TMEM132C: variants seen among roughly 807,000 people sequenced by gnomAD.
The protein encoded by TMEM132C is protein phosphatase 1, regulatory subunit 152.
Under a neutral mutation model 61.4 loss-of-function variants are expected in TMEM132C, and 29 were observed. The observed-to-expected ratio is 0.47, with a 90% CI of 0.35 to 0.64. The LOEUF (loss-of-function observed/expected upper bound fraction) is 0.64. Among genes scored for constraint, TMEM132C ranks in the 30% least tolerant of loss-of-function variants. The pLI is 0.00. For synonymous variants in TMEM132C, 656 were observed against 633.1 expected (o/e 1.04, Z -0.54); for missense variants, 1,408 against 1,476.9 (o/e 0.95, Z 0.76).
chr12:128,340,340 T>G (rs1872916269), intron 1 of TMEM132C, among the ~76,000 whole-genome samples: 1 of 152,194 alleles, frequency 6.6e-6, no homozygotes, highest in Non-Finnish European at 1.5e-5. Context: ...CTATCGGTGC[T>G]TCTTTCTTCT....
rs1354613437 is a variant in TMEM132C, at chr12:128,579,850, T to G, written c.1121+35747T>G. 2.6e-5 allele frequency among the ~76,000 whole-genome samples: 4 copies of G among 152,202 alleles called. No individual in the cohort carries two copies. The South Asian group carries it at 6.2e-4, about 24-fold the overall frequency. On this transcript the variant is annotated intron_variant, in intron 3 of 8. Coordinates refer to ENST00000435159, the MANE Select transcript of TMEM132C (RefSeq NM_001136103.3). ...AAATGTCTTGATCCACTTTGCTGTA[T>G]GAATCCAGAGAGAGATAAGAGTGGG...
At position 128,557,475 on chromosome 12, in the gene TMEM132C, G is replaced by T. The variant is rs114037035; in HGVS notation, c.1121+13372G>T. Among the ~76,000 whole-genome samples, 234 of 152,326 alleles carry T rather than the reference G, an allele frequency of 1.5e-3. 1 individual carries two copies. Among genetic ancestry groups the T allele is most frequent in the African/African-American group, 5.5e-3 (229 of 41,574 alleles). ...TACTCTGGCCTCTGACATAAAGCAGGTGCATTTCAGAACTAATGTCTCGCC... is the reference window on the plus strand; with the variant it reads ...TACTCTGGCCTCTGACATAAAGCAGTTGCATTTCAGAACTAATGTCTCGCC... On this transcript the variant is annotated intron_variant, in intron 3 of 8. Coordinates refer to ENST00000435159, the MANE Select transcript of TMEM132C (RefSeq NM_001136103.3).
At chr12:128,663,328 A>G (rs1372848135) in intron 4 of TMEM132C, among the ~76,000 whole-genome samples, 1 of 152,236 alleles carries the variant, frequency 6.6e-6, no homozygotes, top group Non-Finnish European at 1.5e-5. Flanking sequence ...TCGTATGAGT[A>G]GGACCATGTA....
chr12:128,544,130 G>A, intron 3 of TMEM132C, 27 bp downstream of exon 3: 3 of 1,485,700 alleles, frequency 2.0e-6, no homozygotes, highest in South Asian at 1.3e-5. Flanking sequence ...CTGCAAGCGT[G>A]TGTGGTTCCT....
intron 1 of TMEM132C, among the ~76,000 whole-genome samples, chr12:128,409,646 G>A (rs1868462961): frequency 6.6e-6 from 1 of 152,132 alleles, no homozygotes. Context: ...TGCAGGCTGG[G>A]TGGAGCCCCA....
intron 3 of TMEM132C, among the ~76,000 whole-genome samples, chr12:128,546,377 T>G (rs1472877177): frequency 2.0e-5 from 3 of 152,212 alleles, no homozygotes; most frequent in Non-Finnish European, 2.9e-5. Context: ...GGCAAAGTTA[T>G]GTATGTGAAT....
At chr12:128,607,094 T>G (rs1876452185) in intron 3 of TMEM132C, among the ~76,000 whole-genome samples, 1 of 151,840 alleles carries the variant, frequency 6.6e-6, no homozygotes, top group African/African-American at 2.4e-5. Flanking sequence ...GAGAGGGTGA[T>G]ATGGGAGGGT....
chr12:128,588,643 A>T (rs1157080094), intron 3 of TMEM132C, among the ~76,000 whole-genome samples: 1 of 152,078 alleles, frequency 6.6e-6, no homozygotes, highest in African/African-American at 2.4e-5. Context: ...ATGTGGTGGT[A>T]TTAGGGAGTG....
intron 1 of TMEM132C, among the ~76,000 whole-genome samples, chr12:128,305,772 C>T (rs1275833111): frequency 6.6e-6 from 1 of 152,122 alleles, no homozygotes; most frequent in African/African-American, 2.4e-5. Context: ...GAAAATGGAA[C>T]ACTAGCTTTA....
intron 5 of TMEM132C, among the ~76,000 whole-genome samples, chr12:128,686,683 G>A (rs377162874): frequency 1.1e-4 from 17 of 152,110 alleles, no homozygotes; most frequent in East Asian, 3.9e-4. Flanking sequence ...TCTTCAACAC[G>A]TACTTATTGA....
At chr12:128,507,816 A>G (rs75635659) in intron 2 of TMEM132C, among the ~76,000 whole-genome samples, 9,835 of 152,282 alleles carry the variant, frequency 0.065, 386 homozygotes, top group Middle Eastern at 0.11. Flanking sequence ...GTGAGTAATC[A>G]TATCATTTTG....
intron 2 of TMEM132C, among the ~76,000 whole-genome samples, chr12:128,434,911 C>A (rs1284500502): frequency 6.6e-6 from 1 of 152,048 alleles, no homozygotes; most frequent in East Asian, 1.9e-4. Context: ...TGTGAGCCAC[C>A]GCAGCCGGCC....
chr12:128,378,782 C>A (rs1874305848), intron 1 of TMEM132C, among the ~76,000 whole-genome samples: 1 of 152,124 alleles, frequency 6.6e-6, no homozygotes, highest in African/African-American at 2.4e-5. Flanking sequence ...CAAATCTCAT[C>A]TTGAATTATA....
At chr12:128,519,890 G>C (rs1340319804) in intron 2 of TMEM132C, among the ~76,000 whole-genome samples, 2 of 152,190 alleles carry the variant, frequency 1.3e-5, no homozygotes, top group African/African-American at 2.4e-5. Context: ...ACTTCTGCTA[G>C]GTCTCTGCCC....
At chr12:128,456,366 C>CGT (rs1870341524) in intron 2 of TMEM132C, among the ~76,000 whole-genome samples, 1 of 52,448 alleles carries the variant, frequency 1.9e-5, no homozygotes, top group Non-Finnish European at 4.0e-5. Context: ...TCTGATTAGC[C>CGT]TTTTTTTTTT....
At chr12:128,529,255 A>AG (rs1555230021) in intron 2 of TMEM132C, among the ~76,000 whole-genome samples, 3 of 151,712 alleles carry the variant, frequency 2.0e-5, no homozygotes, top group African/African-American at 7.3e-5. Flanking sequence ...AACACAGAGT[A>AG]CCCCCCATCA....
rs141989103 is a variant in TMEM132C, at chr12:128,475,473, T to G, written c.974+59853T>G. Reference sequence around the variant, plus strand: ...GGGGTGATAAAAAATGTTCTGGAATTAAATAATAGAGATGGTTGCACAAAT... The same window carrying G: ...GGGGTGATAAAAAATGTTCTGGAATGAAATAATAGAGATGGTTGCACAAAT... On this transcript the variant is annotated intron_variant, in intron 2 of 8. Transcript: ENST00000435159. 1.1e-3 allele frequency among the ~76,000 whole-genome samples: 168 copies of G among 152,202 alleles called. 1 individual carries two copies. The highest frequency in any genetic ancestry group is 3.7e-3 in the African/African-American group (154 of 41,526).
chr12:128,652,381 T>A (rs1954280426), intron 4 of TMEM132C, among the ~76,000 whole-genome samples: 1 of 152,196 alleles, frequency 6.6e-6, no homozygotes, highest in Non-Finnish European at 1.5e-5. Flanking sequence ...GATCTGTGTT[T>A]ACAAAATTGG....
chr12:128,649,270 A>G (rs1210450028), intron 4 of TMEM132C, among the ~76,000 whole-genome samples: 1 of 152,216 alleles, frequency 6.6e-6, no homozygotes, highest in African/African-American at 2.4e-5. Context: ...CCAGTGACTC[A>G]GGGATCCAAC....
Sources: gnomAD v4.1 joint callset for allele counts (sites outside exome capture counted in the v4.1 genomes callset) on GRCh38, gnomAD v4.1.1 for gene constraint, MANE v1.5 for transcripts, NCBI Gene and HGNC (gene_info 2026-07-23, HGNC 2026-07-21) for gene names.